RIMKLB: variants seen among roughly 807,000 people sequenced by gnomAD.
The protein encoded by RIMKLB is beta-citrylglutamate synthase B.
Under a neutral mutation model 32.0 loss-of-function variants are expected in RIMKLB, and 7 were observed. That is an observed-to-expected ratio of 0.22 (90% CI 0.12 to 0.41). The LOEUF is 0.41. Among genes scored for constraint, RIMKLB ranks in the 10% least tolerant of loss-of-function variants. RIMKLB has a pLI of 1.00. For missense variants in RIMKLB, 289 were observed against 498.7 expected, an observed-to-expected ratio of 0.58 and a Z score of 4.00; for synonymous variants, 172 against 185.1, an observed-to-expected ratio of 0.93 and a Z score of 0.57.
rs965058710 is a variant in RIMKLB, at chr12:8,775,786, C to T, written c.*2002C>T. On this transcript the variant is annotated 3_prime_UTR_variant, in exon 6 of 6. Coordinates refer to ENST00000535829, the MANE Select transcript of RIMKLB (RefSeq NM_001297776.2). ...CTCATCTGTGCAGTGTCTCATTTCACCTCAGAGAAAAGGATACATAAGAGG... is the reference window on the plus strand; with the variant it reads ...CTCATCTGTGCAGTGTCTCATTTCATCTCAGAGAAAAGGATACATAAGAGG... 4.2e-5 allele frequency: 41 copies of T among 985,264 alleles called. No homozygotes were observed. Among genetic ancestry groups the T allele is most frequent in the Non-Finnish European group, 4.7e-5 (39 of 829,576 alleles). The allele number at this position is 985,264 out of a possible 1,614,324, so 61.0% of individuals were successfully genotyped here. A position where few individuals can be genotyped will look rare whatever the true frequency, so the allele number is the denominator to read the frequency against.
rs751702576 is a variant in RIMKLB, at chr12:8,734,290, G to C, written c.176-15572G>C. Among the ~76,000 whole-genome samples, 6 of 152,316 alleles carry C rather than the reference G, an allele frequency of 3.9e-5. No homozygotes were observed. The East Asian group carries it at 1.2e-3, about 29-fold the overall frequency. Reference sequence around the variant, plus strand: ...AGAAATATAAGGGTTTGAACTAGGGGAGCAGTTCAAAGCTGTTCATGGGAG... The same window carrying C: ...AGAAATATAAGGGTTTGAACTAGGGCAGCAGTTCAAAGCTGTTCATGGGAG... On this transcript the variant is annotated intron_variant, in intron 2 of 5. Transcript: ENST00000535829.
At chr12:8,742,685 C>A in intron 2 of RIMKLB, 2 of 223,386 alleles carry the variant, frequency 9.0e-6, no homozygotes, top group South Asian at 1.3e-4. Flanking sequence ...TGCTGGCTGG[C>A]AGCCTGTGCT....
chr12:8,674,019 C>T, the RIMKLB span, among the ~76,000 whole-genome samples: 1 of 151,956 alleles, frequency 6.6e-6, no homozygotes, highest in African/African-American at 2.4e-5. Context: ...GCCACAGGGT[C>T]GGTTCCAATT....
chr12:8,766,805 T>A (rs1228480754), intron 5 of RIMKLB, among the ~76,000 whole-genome samples: 2 of 152,236 alleles, frequency 1.3e-5, no homozygotes, highest in Non-Finnish European at 2.9e-5. Flanking sequence ...TTTCAGTGGT[T>A]AATGTTAAAT....
intron 3 of RIMKLB, among the ~76,000 whole-genome samples, chr12:8,750,654 T>C (rs1189138673): frequency 1.3e-5 from 2 of 152,082 alleles, no homozygotes; most frequent in Admixed American, 1.3e-4. Flanking sequence ...CAATCTGTGG[T>C]AGATTAATAC....
intron 1 of RIMKLB, among the ~76,000 whole-genome samples, chr12:8,705,650 A>C (rs972425714): frequency 7.9e-5 from 12 of 152,166 alleles, no homozygotes; most frequent in South Asian, 2.1e-4. Context: ...AAATAGACTC[A>C]ATAAGATATG....
chr12:8,715,228 C>CCTTTTTTTTTTTTTTTTGTTT (rs1445737752), intron 2 of RIMKLB, among the ~76,000 whole-genome samples: 1 of 123,762 alleles, frequency 8.1e-6, no homozygotes, highest in African/African-American at 3.3e-5. Flanking sequence ...TGCTCTTGTT[C>CCTTTTTTTTTTTTTTTTGTTT]TTTTTTTTTT....
At chr12:8,745,360 T>C (rs1222878531) in intron 2 of RIMKLB, among the ~76,000 whole-genome samples, 1 of 151,826 alleles carries the variant, frequency 6.6e-6, no homozygotes, top group East Asian at 1.9e-4. Context: ...TCAACTTATA[T>C]ATTCCTATTT....
At chr12:8,671,488 G>A in the RIMKLB span, among the ~76,000 whole-genome samples, 1 of 152,124 alleles carries the variant, frequency 6.6e-6, no homozygotes, top group South Asian at 2.1e-4. Context: ...AACCTCAGGT[G>A]ATCTGCCCGC....
chr12:8,774,982 T>C lies in RIMKLB; in HGVS notation c.*1198T>C. On this transcript the variant is annotated 3_prime_UTR_variant, in exon 6 of 6. Transcript: ENST00000535829. ...TGGAGCATGATGGGAAACAGAGTTT[T>C]TGACTTTAAAAAACAGATGAGTTGT... 2 of 985,784 alleles carry C rather than the reference T, an allele frequency of 2.0e-6. No homozygotes were observed. The highest frequency in any genetic ancestry group is 4.7e-5 in the South Asian group (1 of 21,288). The allele number at this position is 985,784 out of a possible 1,614,324, so 61.1% of individuals were successfully genotyped here.
At chr12:8,685,898 C>A (rs968952275) in intron 1 of RIMKLB, among the ~76,000 whole-genome samples, 1 of 152,104 alleles carries the variant, frequency 6.6e-6, no homozygotes, top group East Asian at 1.9e-4. Context: ...ACCTCCACCT[C>A]CCAGGTTCCA....
At chr12:8,744,122 G>T (rs941447384) in intron 2 of RIMKLB, among the ~76,000 whole-genome samples, 3 of 151,918 alleles carry the variant, frequency 2.0e-5, no homozygotes, top group Non-Finnish European at 2.9e-5. Flanking sequence ...TAAGCTCTAC[G>T]TCAAAGGCAT....
Position 8,704,088 on chromosome 12 carries a change from G to T in RIMKLB, c.-57+5791G>T, listed in dbSNP as rs143967123. Among the ~76,000 whole-genome samples, 78 of 152,204 alleles carry T rather than the reference G, an allele frequency of 5.1e-4. 1 individual carries two copies. The East Asian group carries it at 0.012, about 24-fold the overall frequency. Reference sequence around the variant, plus strand: ...CAGATTAAGTGCCAAAATATATGTAGAAAGTGTTTTATGGGTCGGACGTGG... The same window carrying T: ...CAGATTAAGTGCCAAAATATATGTATAAAGTGTTTTATGGGTCGGACGTGG... On this transcript the variant is annotated intron_variant, in intron 1 of 5. Transcript: ENST00000535829.
downstream of RIMKLB, chr12:8,780,643 T>C (rs1033933576): frequency 4.6e-5 from 7 of 152,186 alleles, no homozygotes; most frequent in East Asian, 1.3e-3. Context: ...TGACTTAAAG[T>C]CTGCATAGGA....
At chr12:8,692,964 C>A (rs1200354596), upstream of RIMKLB, among the ~76,000 whole-genome samples, 1 of 152,228 alleles carries the variant, frequency 6.6e-6, no homozygotes, top group Non-Finnish European at 1.5e-5. Context: ...AGATAATCCA[C>A]AAAGAACACT....
At position 8,775,861 on chromosome 12, in the gene RIMKLB, C is replaced by A; in HGVS notation, c.*2077C>A. ...TCTAATTGCATTTAAAAGAACTTATCTTGCGCAGGGTAAATGGGGGACTCA... is the reference window on the plus strand; with the variant it reads ...TCTAATTGCATTTAAAAGAACTTATATTGCGCAGGGTAAATGGGGGACTCA... On this transcript the variant is annotated 3_prime_UTR_variant, in exon 6 of 6. Transcript: ENST00000535829. 1 of 985,052 alleles carries A rather than the reference C, an allele frequency of 1.0e-6. No homozygotes were observed. Among genetic ancestry groups the A allele is most frequent in the Non-Finnish European group, 1.2e-6 (1 of 829,624 alleles). 61.0% of individuals were successfully genotyped at this position (985,052 alleles called of 1,614,324 possible). A position where few individuals can be genotyped will look rare whatever the true frequency, so the allele number is the denominator to read the frequency against.
chr12:8,764,749 C>A (rs1003114150), intron 5 of RIMKLB, among the ~76,000 whole-genome samples: 17 of 152,194 alleles, frequency 1.1e-4, no homozygotes, highest in African/African-American at 4.1e-4. Flanking sequence ...GGGCAGTGGG[C>A]CTTCCAGTGA....
intron 5 of RIMKLB, among the ~76,000 whole-genome samples, chr12:8,764,184 C>A (rs1403559359): frequency 1.3e-5 from 2 of 152,074 alleles, no homozygotes; most frequent in African/African-American, 4.8e-5. Flanking sequence ...CCTTGTTGGG[C>A]CTCGGGTCTA....
upstream of RIMKLB, among the ~76,000 whole-genome samples, chr12:8,694,484 C>T (rs764920167): frequency 5.0e-5 from 7 of 140,814 alleles, no homozygotes; most frequent in East Asian, 1.4e-3. Flanking sequence ...CAACCTCCAC[C>T]CCCAGGTTCA....
Sources: gnomAD v4.1 joint callset for allele counts (sites outside exome capture counted in the v4.1 genomes callset) on GRCh38, gnomAD v4.1.1 for gene constraint, MANE v1.5 for transcripts, NCBI Gene and HGNC (gene_info 2026-07-23, HGNC 2026-07-21) for gene names.